Variants in WARS1 observed in about 807,000 individuals in gnomAD.
The protein encoded by WARS1 is tryptophan--tRNA ligase, cytoplasmic.
WARS1 carries 17 observed loss-of-function variants against 47.8 expected under a neutral mutation model. The observed-to-expected ratio is 0.36, with a 90% CI of 0.24 to 0.53. The LOEUF is 0.53. Ranked by LOEUF, WARS1 falls within the 20% of genes least tolerant of loss-of-function variation. The probability of loss-of-function intolerance (pLI) is 0.91; values close to 1 mark genes in which losing one functional copy is unlikely to be tolerated. For synonymous variants in WARS1, 208 were observed against 228.1 expected, an observed-to-expected ratio of 0.91 and a Z score of 0.79; for missense variants, 434 against 608.0, an observed-to-expected ratio of 0.71 and a Z score of 3.01.
chr14:100,351,278 C>T (rs970680847), intron 6 of WARS1, among the ~76,000 whole-genome samples: 1 of 152,122 alleles, frequency 6.6e-6, no homozygotes, highest in Non-Finnish European at 1.5e-5. Context: ...GCAGAACCCA[C>T]AGTTGTCTCT....
intron 2 of WARS1, among the ~76,000 whole-genome samples, chr14:100,364,649 A>G (rs1895847290): frequency 6.6e-6 from 1 of 152,262 alleles, no homozygotes; most frequent in African/African-American, 2.4e-5. Flanking sequence ...AGCCAATTGC[A>G]TTAGTCAAAT....
intron 6 of WARS1, among the ~76,000 whole-genome samples, chr14:100,348,813 C>T (rs1438624116): frequency 2.0e-5 from 3 of 152,196 alleles, no homozygotes; most frequent in African/African-American, 4.8e-5. Context: ...AGCTTCACGG[C>T]GTCTGACTGG....
intron 6 of WARS1, among the ~76,000 whole-genome samples, chr14:100,350,937 C>A (rs565674606): frequency 1.6e-4 from 24 of 152,176 alleles, no homozygotes; most frequent in Non-Finnish European, 3.1e-4. Context: ...CTGGGGGTGG[C>A]AGGGTCAGGA....
chr14:100,341,647 C>T (rs1894171091), intron 9 of WARS1, among the ~76,000 whole-genome samples: 1 of 152,334 alleles, frequency 6.6e-6, no homozygotes, highest in African/African-American at 2.4e-5. Context: ...AGAACTGGGG[C>T]CATGCAAAAT....
At position 100,361,822 on chromosome 14, in the gene WARS1, G is replaced by C. The variant is rs1218374535; in HGVS notation, c.199C>G (p.Pro67Ala). 2 of 1,614,152 alleles carry C rather than the reference G, an allele frequency of 1.2e-6. No individual in the cohort carries two copies. Residue 67 changes from proline to alanine, a missense_variant, in exon 3 of 11, where the codon CCA (proline) becomes GCA (alanine). Physicochemically the swap from Pro to Ala is conservative, Grantham distance 27 (BLOSUM62 -1). Around this residue, in one of 2 missense-constraint regions of WARS1, gnomAD observed 87 missense variants for 84.2 expected, o/e 1.03. Transcript: ENST00000392882. ...DYKADCPPGN[P>A]APTSNHGPDA... The stretch of plus-strand genomic sequence containing the variant: ...GGGCCATGATTACTGGTAGGTGCTG[G>C]GTTCCCTGGAGGACAGTCAGCCTTG...
chr14:100,360,075 G>A (rs552893726), intron 4 of WARS1, among the ~76,000 whole-genome samples: 10 of 152,298 alleles, frequency 6.6e-5, no homozygotes, highest in African/African-American at 1.7e-4. Context: ...CGTTATCTGC[G>A]TGGAATTTAC....
intron 6 of WARS1, among the ~76,000 whole-genome samples, chr14:100,347,948 A>G (rs1030752515): frequency 2.6e-5 from 4 of 152,206 alleles, no homozygotes; most frequent in Admixed American, 2.6e-4. Context: ...ACCATGTGTT[A>G]GACACTACGA....
At chr14:100,338,479 C>T (rs1893903402) in intron 9 of WARS1, among the ~76,000 whole-genome samples, 2 of 152,052 alleles carry the variant, frequency 1.3e-5, no homozygotes, top group Admixed American at 1.3e-4. Flanking sequence ...GTAGTCCAGT[C>T]TGGTCTTGAA....
intron 9 of WARS1, among the ~76,000 whole-genome samples, chr14:100,338,039 G>A (rs773509481): frequency 6.6e-6 from 1 of 152,150 alleles, no homozygotes; most frequent in Non-Finnish European, 1.5e-5. Context: ...CACAGGGTAA[G>A]GCAGTAAGGG....
chr14:100,374,670 G>C (rs1287892039), intron 1 of WARS1: 2 of 152,264 alleles, frequency 1.3e-5, no homozygotes, highest in Non-Finnish European at 2.9e-5. Context: ...TTCTGGAGCA[G>C]GTGAGAAGAG....
intron 2 of WARS1, chr14:100,368,299 T>C: frequency 2.7e-6 from 1 of 367,056 alleles, no homozygotes; most frequent in African/African-American, 2.1e-5. Flanking sequence ...GTTAGAGTAC[T>C]CATTCTATCC....
At chr14:100,342,366 G>T (rs536070638) in intron 9 of WARS1, 32 bp downstream of exon 9, 6 of 1,611,560 alleles carry the variant, frequency 3.7e-6, no homozygotes, top group Non-Finnish European at 3.4e-6. Context: ...TTCTGATCCC[G>T]CTGGCTGCCC....
intron 6 of WARS1, among the ~76,000 whole-genome samples, chr14:100,352,215 G>A (rs1389333385): frequency 7.0e-6 from 1 of 143,534 alleles, no homozygotes; most frequent in African/African-American, 2.6e-5. Context: ...AGGTTCAAGC[G>A]ATTCTTCTGC....
Position 100,369,274 on chromosome 14 carries a change from G to A in WARS1, c.-73-16C>T. On this transcript the variant is annotated splice_polypyrimidine_tract_variant and intron_variant, in intron 1 of 10. Coordinates refer to ENST00000392882, the MANE Select transcript of WARS1 (RefSeq NM_004184.4). ...CGAGTCAAGACTGGGGTGGGGGCGG[G>A]GAAGGAGAGAGAGGAAAAACCAGAG... 1.6e-6 allele frequency: 1 copy of A among 627,146 alleles called. No individual in the cohort carries two copies. The highest frequency in any genetic ancestry group is 2.3e-6 in the Non-Finnish European group (1 of 433,224). The allele number at this position is 627,146 out of a possible 1,614,324, so 38.8% of individuals were successfully genotyped here.
chr14:100,354,286 C>T, intron 5 of WARS1, 161 bp downstream of exon 5: 2 of 1,035,766 alleles, frequency 1.9e-6, no homozygotes, highest in Non-Finnish European at 2.7e-6. Flanking sequence ...CTAAAGTGAG[C>T]CCAGGAACAA....
At chr14:100,345,779 C>A (rs1201287702) in intron 7 of WARS1, among the ~76,000 whole-genome samples, 5 of 152,202 alleles carry the variant, frequency 3.3e-5, no homozygotes, top group Non-Finnish European at 7.4e-5. Context: ...TTGCTTAGAC[C>A]TGCAGAAGCA....
chr14:100,339,508 G>A (rs575512967), intron 9 of WARS1, among the ~76,000 whole-genome samples: 3 of 146,592 alleles, frequency 2.0e-5, no homozygotes, highest in East Asian at 2.0e-4. Context: ...GGAGAATGGC[G>A]TGAACCTGGG....
intron 2 of WARS1, among the ~76,000 whole-genome samples, chr14:100,365,776 C>G (rs1595456598): frequency 7.2e-6 from 1 of 139,660 alleles, no homozygotes; most frequent in East Asian, 2.1e-4. Flanking sequence ...ACAAAGGAAA[C>G]AAGAAGAGGA....
chr14:100,342,599 G>A (rs1047577447), intron 8 of WARS1, 28 bp from the exon 9 acceptor site: 4 of 1,581,128 alleles, frequency 2.5e-6, no homozygotes, highest in Admixed American at 3.5e-5. Context: ...ACCCTGATGA[G>A]GGCGGCCAGA....
Sources: allele counts gnomAD v4.1 joint callset (sites outside exome capture counted in the v4.1 genomes callset), GRCh38; gene constraint gnomAD v4.1.1; regional missense constraint gnomAD v4.1.1; transcripts MANE v1.5; gene names NCBI Gene and HGNC (gene_info 2026-07-23, HGNC 2026-07-21).